ACAA2: variants seen among roughly 807,000 people sequenced by gnomAD.
The protein encoded by ACAA2 is 3-ketoacyl-CoA thiolase, mitochondrial.
In ACAA2, 35 loss-of-function variants were observed where a neutral mutation model predicts 44.8. The ratio of observed to expected loss-of-function variants is 0.78; its 90% CI spans 0.60 to 1.04. The LOEUF is 1.04. ACAA2 is among the 50% of genes least tolerant of loss of function. ACAA2 has a pLI of 0.00. For synonymous variants in ACAA2, 142 were observed against 166.5 expected, an observed-to-expected ratio of 0.85 and a Z score of 1.13; for missense variants, 468 against 482.6, an observed-to-expected ratio of 0.97 and a Z score of 0.28.
rs776390305 is a variant in ACAA2, at chr18:49,785,308, C to G, written c.998G>C (p.Ser333Thr). 6.2e-7 allele frequency: 1 copy of G among 1,614,166 alleles called. No homozygotes were observed. The highest frequency in any genetic ancestry group is 2.2e-5 in the East Asian group (1 of 44,880). The part of the protein sequence containing the change: ...FAPQYLAVER[S>T]LDLDISKTNV... The stretch of plus-strand genomic sequence containing the variant: ...GGTTTTACTTATGTCAAGATCCAAA[C>G]TCCTCTCAACAGCCAAGTACTGGGG... The change falls in exon 9 of 10, where the codon AGT becomes ACT. Residue 333 changes from serine (S) to threonine (T), a missense_variant. Physicochemically the swap from Ser to Thr is moderately conservative, Grantham distance 58. Coordinates refer to ENST00000285093, the MANE Select transcript of ACAA2 (RefSeq NM_006111.3).
intron 8 of ACAA2, chr18:49,785,574 T>C (rs1162974920): frequency 3.8e-6 from 2 of 531,796 alleles, no homozygotes; most frequent in African/African-American, 3.8e-5. Flanking sequence ...TAGAGGCAAT[T>C]CTCAGTAATC....
At chr18:49,798,403 C>A (rs529908034) in intron 2 of ACAA2, among the ~76,000 whole-genome samples, 2 of 151,962 alleles carry the variant, frequency 1.3e-5, no homozygotes, top group South Asian at 4.2e-4. Flanking sequence ...GGAGATTCTG[C>A]ATTTCTAACC....
chr18:49,786,992 A>C (rs1030571075), intron 8 of ACAA2, among the ~76,000 whole-genome samples: 6 of 152,326 alleles, frequency 3.9e-5, no homozygotes, highest in Non-Finnish European at 8.8e-5. Flanking sequence ...AGGCATGTTA[A>C]TAGTCTAAAA....
chr18:49,782,329 C>T lies in ACAA2; in HGVS notation c.*1518G>A, dbSNP rs980911162. 3 of 152,086 alleles carry T rather than the reference C, an allele frequency of 2.0e-5. No homozygotes were observed. The highest frequency in any genetic ancestry group is 1.9e-4 in the East Asian group (1 of 5,188). 9.4% of individuals were successfully genotyped at this position (152,086 alleles called of 1,614,324 possible). On this transcript the variant is annotated 3_prime_UTR_variant, in exon 10 of 10. Coordinates refer to ENST00000285093, the MANE Select transcript of ACAA2 (RefSeq NM_006111.3). ...CCATTATCCCAAACCGTGGGTAGGC[C>T]GCTTGTCATCTGCCTCTCTATGACA...
In ACAA2 at chr18:49,810,906, T is replaced by A. The variant is rs115315964; in HGVS notation, c.16+2563A>T. ...TTCTCTATTTTAAAAAATAATTTGTTATTATTATTTTAAATCTTCATTTTA... is the reference window on the plus strand; with the variant it reads ...TTCTCTATTTTAAAAAATAATTTGTAATTATTATTTTAAATCTTCATTTTA... On this transcript the variant is annotated intron_variant, in intron 1 of 9. Transcript: ENST00000285093. Among the ~76,000 whole-genome samples, 627 of 87,636 alleles carry A rather than the reference T, an allele frequency of 7.2e-3. 14 individuals carry two copies. The highest frequency in any genetic ancestry group is 0.027 in the African/African-American group (563 of 21,088). The allele number at this position is 87,636 out of a possible 152,430, so 57.5% of individuals were successfully genotyped here.
intron 9 of ACAA2, 85 bp from the exon 10 acceptor site, chr18:49,784,016 C>G (rs917765141): frequency 9.0e-7 from 1 of 1,107,256 alleles, no homozygotes; most frequent in African/African-American, 1.6e-5. Flanking sequence ...ATCTGCATTA[C>G]TCATCCTTAT....
chr18:49,800,479 G>A (rs891674905), intron 2 of ACAA2, among the ~76,000 whole-genome samples: 35 of 152,344 alleles, frequency 2.3e-4, no homozygotes, highest in Middle Eastern at 3.4e-3. Flanking sequence ...GGAAGGGATT[G>A]AGAAATCGGA....
intron 2 of ACAA2, among the ~76,000 whole-genome samples, chr18:49,801,441 C>T (rs2023546596): frequency 6.6e-6 from 1 of 152,018 alleles, no homozygotes; most frequent in African/African-American, 2.4e-5. Context: ...CGGAAGTATC[C>T]AATTTCTATT....
intron 6 of ACAA2, 36 bp downstream of exon 6, chr18:49,792,116 G>A (rs764368439): frequency 6.4e-7 from 1 of 1,570,038 alleles, no homozygotes; most frequent in South Asian, 1.1e-5. Context: ...GAACACACCA[G>A]GAAGAATTCA....
Position 49,782,482 on chromosome 18 carries a change from A to G in ACAA2, c.*1365T>C, listed in dbSNP as rs1003307646. The G allele has an allele frequency of 3.4e-5, 5 of 148,982 alleles. No homozygotes were observed. The highest frequency in any genetic ancestry group is 9.9e-5 in the African/African-American group (4 of 40,452). The allele number at this position is 148,982 out of a possible 1,614,324, so 9.2% of individuals were successfully genotyped here. On this transcript the variant is annotated 3_prime_UTR_variant, in exon 10 of 10. Transcript: ENST00000285093. ...TAACATCTAGTATTATTTAACATCT[A>G]TTATTCAGTGAGCCATGACTGTGCC...
In ACAA2 at chr18:49,782,883, A is replaced by G. The variant is rs963994435; in HGVS notation, c.*964T>C. 1 of 152,134 alleles carries G rather than the reference A, an allele frequency of 6.6e-6. No individual in the cohort carries two copies. The highest frequency in any genetic ancestry group is 2.4e-5 in the African/African-American group (1 of 41,442). The allele number at this position is 152,134 out of a possible 1,614,324, so 9.4% of individuals were successfully genotyped here. A position where few individuals can be genotyped will look rare whatever the true frequency, so the allele number is the denominator to read the frequency against. On this transcript the variant is annotated 3_prime_UTR_variant, in exon 10 of 10. Transcript: ENST00000285093. ...AAAAAAATTTCCCCCCAATAAATGT[A>G]TAACCCATAAATTCAATTTAATCTT...
intron 2 of ACAA2, among the ~76,000 whole-genome samples, chr18:49,799,640 G>A (rs1012876475): frequency 1.6e-4 from 24 of 151,466 alleles, no homozygotes; most frequent in African/African-American, 3.4e-4. Flanking sequence ...CTGCCACCCC[G>A]TCTGGGAAGT....
chr18:49,797,176 T>C (rs778315318), intron 3 of ACAA2, among the ~76,000 whole-genome samples: 19 of 152,156 alleles, frequency 1.2e-4, no homozygotes, highest in South Asian at 4.1e-4. Context: ...CTCTATGAAT[T>C]TGACTACGCT....
intron 1 of ACAA2, among the ~76,000 whole-genome samples, chr18:49,811,213 C>T (rs912572626): frequency 6.6e-6 from 1 of 152,014 alleles, no homozygotes; most frequent in Non-Finnish European, 1.5e-5. Flanking sequence ...GAAAGATGTG[C>T]TGAGTTGACA....
intron 3 of ACAA2, among the ~76,000 whole-genome samples, chr18:49,797,200 A>T (rs1373873956): frequency 6.6e-6 from 1 of 152,136 alleles, no homozygotes; most frequent in African/African-American, 2.4e-5. Flanking sequence ...TATCTCAAAG[A>T]AGTAGAAACA....
At chr18:49,802,269 G>T (rs1222049363) in intron 2 of ACAA2, among the ~76,000 whole-genome samples, 1 of 152,156 alleles carries the variant, frequency 6.6e-6, no homozygotes, top group Non-Finnish European at 1.5e-5. Context: ...AACGTATAAA[G>T]TCTGTAACTA....
chr18:49,792,289 T>A lies in ACAA2; in HGVS notation c.616A>T (p.Ile206Phe), dbSNP rs138932410. 1.1e-5 allele frequency: 18 copies of A among 1,613,848 alleles called. No homozygotes were observed. The Middle Eastern group carries it at 5.0e-4, about 45-fold the overall frequency. Residue 206 changes from isoleucine (I) to phenylalanine (F), a missense_variant, in exon 6 of 10, where the codon ATT becomes TTT. Physicochemically the swap from Ile to Phe is conservative, Grantham distance 21 (BLOSUM62 0). Transcript: ENST00000285093. Reference sequence around the variant, plus strand: ...TTTCCTTTCTTTGTCTTCACTTCAATTGGTGCCATTTCATCATTAAAGTAG... The same window carrying A: ...TTTCCTTTCTTTGTCTTCACTTCAAATGGTGCCATTTCATCATTAAAGTAG... ...AGYFNDEMAP[I>F]EVKTKKGKQT... is the part of the protein sequence containing the mutation.
chr18:49,800,870 A>C, intron 2 of ACAA2, among the ~76,000 whole-genome samples: 1 of 147,696 alleles, frequency 6.8e-6, no homozygotes, highest in Non-Finnish European at 1.5e-5. Flanking sequence ...CCTCTGCGAG[A>C]AACACCCAAG....
chr18:49,805,759 C>CT lies in ACAA2; in HGVS notation c.17-2907dup, dbSNP rs549744382. Among the ~76,000 whole-genome samples, 960 of 144,224 alleles carry CT rather than the reference C, an allele frequency of 6.7e-3. 3 individuals carry two copies. Among genetic ancestry groups the CT allele is most frequent in the East Asian group, 0.021 (107 of 5,002 alleles). 94.6% of individuals were successfully genotyped at this position (144,224 alleles called of 152,430 possible). ...ACCTGGCTAATTTTTACCTTTTTTT[C>CT]TTTTTTTTTTTTGTAGAGATGGGGT... On this transcript the variant is annotated intron_variant, in intron 1 of 9. Coordinates refer to ENST00000285093, the MANE Select transcript of ACAA2 (RefSeq NM_006111.3).
Sources: allele counts gnomAD v4.1 joint callset (sites outside exome capture counted in the v4.1 genomes callset), GRCh38; gene constraint gnomAD v4.1.1; transcripts MANE v1.5; gene names NCBI Gene and HGNC (gene_info 2026-07-23, HGNC 2026-07-21).